CDK12: variants seen among roughly 807,000 people sequenced by gnomAD.
CDK12 encodes the protein cyclin dependent kinase 12, also known as cyclin-dependent kinase 12.
Under a neutral mutation model 133.8 loss-of-function variants are expected in CDK12, and 17 were observed. That is an observed-to-expected ratio of 0.13 (90% CI 0.09 to 0.19). The LOEUF (loss-of-function observed/expected upper bound fraction) is 0.19, where lower values mean the gene tolerates loss of function less well. Ranked by LOEUF, CDK12 falls within the 10% of genes least tolerant of loss-of-function variation. CDK12 has a pLI of 1.00. For missense variants in CDK12, 1,508 were observed against 1,818.7 expected (o/e 0.83, Z 3.11); for synonymous variants, 694 against 683.6 (o/e 1.02, Z -0.24).
intron 6 of CDK12, among the ~76,000 whole-genome samples, chr17:39,507,302 A>G (rs1388262290): frequency 6.6e-6 from 1 of 151,414 alleles, no homozygotes; most frequent in Non-Finnish European, 1.5e-5. Flanking sequence ...AAGTGCTATC[A>G]GCGGCCGGGC....
At chr17:39,537,879 A>T (rs2055214417), downstream of CDK12, among the ~76,000 whole-genome samples, 1 of 152,022 alleles carries the variant, frequency 6.6e-6, no homozygotes, top group Non-Finnish European at 1.5e-5. Flanking sequence ...AATTGCTTAT[A>T]AAGAAGAGAG....
chr17:39,541,125 A>G (rs1480748773), intron 1 of CDK12, among the ~76,000 whole-genome samples: 1 of 149,546 alleles, frequency 6.7e-6, no homozygotes. Context: ...GGATGTGTTT[A>G]CACATGTCCC....
intron 2 of CDK12, among the ~76,000 whole-genome samples, chr17:39,474,990 A>G (rs1049033044): frequency 6.6e-6 from 1 of 151,684 alleles, no homozygotes; most frequent in Admixed American, 6.6e-5. Flanking sequence ...ATGTGCCACC[A>G]TGCCTGGCTA....
At chr17:39,524,563 T>G in intron 11 of CDK12, 111 bp from the exon 12 acceptor site, 1 of 942,678 alleles carries the variant, frequency 1.1e-6, no homozygotes, top group Non-Finnish European at 1.6e-6. Context: ...TTGTTTTCCT[T>G]ATTCTTTACA....
At chr17:39,490,443 C>A in intron 2 of CDK12, 114 bp from the exon 3 acceptor site, 1 of 631,192 alleles carries the variant, frequency 1.6e-6, no homozygotes, top group Non-Finnish European at 2.7e-6. Flanking sequence ...AGGTTTTTTT[C>A]CTTAAAAATT....
At chr17:39,527,154 G>A (rs997506010) in intron 13 of CDK12, among the ~76,000 whole-genome samples, 1 of 152,196 alleles carries the variant, frequency 6.6e-6, no homozygotes, top group Non-Finnish European at 1.5e-5. Context: ...GAAGAGGCTC[G>A]AGGGCTGAAG....
upstream of CDK12, chr17:39,544,345 C>T: frequency 4.1e-6 from 2 of 488,786 alleles, no homozygotes; most frequent in Non-Finnish European, 8.1e-6. Context: ...TTTCACAGAA[C>T]CTAAAGCCAA....
At chr17:39,517,138 A>T (rs1454202439) in intron 9 of CDK12, among the ~76,000 whole-genome samples, 1 of 152,216 alleles carries the variant, frequency 6.6e-6, no homozygotes, top group African/African-American at 2.4e-5. Context: ...ACTGAACAGA[A>T]CAAAACTGGT....
At chr17:39,476,879 G>A (rs1016307265) in intron 2 of CDK12, among the ~76,000 whole-genome samples, 3 of 150,458 alleles carry the variant, frequency 2.0e-5, no homozygotes, top group Non-Finnish European at 4.4e-5. Context: ...CCACCACCAC[G>A]CCTGGCTAAT....
chr17:39,476,330 C>T (rs565816148), intron 2 of CDK12, among the ~76,000 whole-genome samples: 25 of 151,914 alleles, frequency 1.6e-4, no homozygotes, highest in Non-Finnish European at 3.5e-4. Flanking sequence ...TGGATGGTCT[C>T]GATGTCTTGA....
intron 6 of CDK12, among the ~76,000 whole-genome samples, chr17:39,505,296 G>A (rs1237445263): frequency 1.3e-5 from 2 of 151,192 alleles, no homozygotes; most frequent in Non-Finnish European, 2.9e-5. Context: ...GGAGGCCAAG[G>A]CGGGCAGATC....
At position 39,462,730 on chromosome 17, in the gene CDK12, C is replaced by G. The variant is rs751443032; in HGVS notation, c.659C>G (p.Ser220Cys). 4.3e-5 allele frequency: 69 copies of G among 1,614,132 alleles called. No individual in the cohort carries two copies. Among genetic ancestry groups the G allele is most frequent in the Non-Finnish European group, 5.8e-5 (69 of 1,180,038 alleles). Residue 220 changes from serine (S) to cysteine (C), a missense_variant, in exon 1 of 14, where the codon TCC becomes TGC. Coordinates refer to ENST00000447079, the MANE Select transcript of CDK12 (RefSeq NM_016507.4). ...ACAGTGGACAGCCCAAAACGGAGAT[C>G]CAGGAGCCCCCACAGGAAGTGGTCT... ...YKTVDSPKRR[S>C]RSPHRKWSDS...
Position 39,465,802 on chromosome 17 carries a change from T to G in CDK12, c.1046+2685T>G, listed in dbSNP as rs1023135845. Among the ~76,000 whole-genome samples, 7 of 152,266 alleles carry G rather than the reference T, an allele frequency of 4.6e-5. No homozygotes were observed. In the South Asian group the frequency reaches 6.2e-4, roughly 14 times the overall value. On this transcript the variant is annotated intron_variant, in intron 1 of 13. Transcript: ENST00000447079. ...CAATGCGCACAGCCATGCTGCTTAG[T>G]GTTTTAAGGAAGTCTAAAAAGTATT... is the stretch of plus-strand genomic sequence containing the variant.
At chr17:39,525,433 A>G (rs767091088) in intron 12 of CDK12, among the ~76,000 whole-genome samples, 1 of 152,224 alleles carries the variant, frequency 6.6e-6, no homozygotes, top group Non-Finnish European at 1.5e-5. Flanking sequence ...CTCTTCACTT[A>G]TAGCAGTGGC....
intron 4 of CDK12, among the ~76,000 whole-genome samples, chr17:39,493,092 A>C (rs983554030): frequency 8.6e-5 from 13 of 151,490 alleles, no homozygotes; most frequent in Admixed American, 7.3e-4. Context: ...TCCTGGGTTC[A>C]CACCATTCTC....
intron 1 of CDK12, among the ~76,000 whole-genome samples, chr17:39,465,439 A>G (rs1005493522): frequency 2.0e-5 from 3 of 150,990 alleles, no homozygotes; most frequent in African/African-American, 7.3e-5. Flanking sequence ...TAAAATTTAT[A>G]TACAGTAAAA....
At chr17:39,466,199 T>C (rs1364341835) in intron 1 of CDK12, among the ~76,000 whole-genome samples, 1 of 150,796 alleles carries the variant, frequency 6.6e-6, no homozygotes, top group Non-Finnish European at 1.5e-5. Flanking sequence ...TCCCAGCTAC[T>C]CGGGAGGCTG....
At position 39,520,306 on chromosome 17, in the gene CDK12, AT is replaced by A. The variant is rs531138393; in HGVS notation, c.3095+220del. 3.9e-4 allele frequency among the ~76,000 whole-genome samples: 59 copies of A among 152,274 alleles called. No individual in the cohort carries two copies. The South Asian group carries it at 0.011, about 29-fold the overall frequency. On this transcript the variant is annotated intron_variant, in intron 11 of 13. Transcript: ENST00000447079. ...TACTTGTTCTAATTTGACTCAAGCT[AT>A]CTTCTTTTGTCCCTGGATCTCCATC...
intron 1 of CDK12, among the ~76,000 whole-genome samples, chr17:39,540,337 A>T (rs986009061): frequency 4.6e-5 from 7 of 152,136 alleles, no homozygotes; most frequent in African/African-American, 1.7e-4. Flanking sequence ...AATTGATAGG[A>T]TGTGTCAATG....
Sources: allele counts gnomAD v4.1 joint callset (sites outside exome capture counted in the v4.1 genomes callset), GRCh38; gene constraint gnomAD v4.1.1; transcripts MANE v1.5; gene names NCBI Gene and HGNC (gene_info 2026-07-23, HGNC 2026-07-21).